RNF220: variants seen among roughly 807,000 people sequenced by gnomAD.
RNF220 encodes E3 ubiquitin-protein ligase RNF220.
RNF220 carries 7 observed loss-of-function variants against 67.1 expected under a neutral mutation model. That is an observed-to-expected ratio of 0.10 (90% CI 0.06 to 0.20). The LOEUF (loss-of-function observed/expected upper bound fraction) is 0.20. RNF220 is among the 10% of genes least tolerant of loss of function. The pLI is 1.00. For missense variants in RNF220, 565 were observed against 740.3 expected (o/e 0.76, Z 2.75); for synonymous variants, 270 against 283.2 (o/e 0.95, Z 0.47).
At chr1:44,407,138 C>T (rs1250696192) in intron 1 of RNF220, among the ~76,000 whole-genome samples, 1 of 152,140 alleles carries the variant, frequency 6.6e-6, no homozygotes, top group Middle Eastern at 3.2e-3. Flanking sequence ...CTGGCCGGCC[C>T]GGGTCGTCTG....
chr1:44,505,812 C>T (rs930537790), intron 2 of RNF220, among the ~76,000 whole-genome samples: 2 of 152,102 alleles, frequency 1.3e-5, no homozygotes, highest in South Asian at 2.1e-4. Flanking sequence ...ATGAACAATG[C>T]GACATGGCGC....
chr1:44,518,238 CAACAT>C (rs1370547451), intron 2 of RNF220, among the ~76,000 whole-genome samples: 1 of 151,798 alleles, frequency 6.6e-6, no homozygotes, highest in African/African-American at 2.4e-5. Context: ...ATAGCCTGGG[CAACAT>C]AACAAGACCC....
Position 44,636,067 on chromosome 1 carries a change from A to T in RNF220, c.1031A>T (p.Asp344Val), listed in dbSNP as rs762210878. 20 of 1,614,126 alleles carry T rather than the reference A, an allele frequency of 1.2e-5. No individual in the cohort carries two copies. The highest frequency in any genetic ancestry group is 1.7e-5 in the Non-Finnish European group (20 of 1,180,050). Residue 344 changes from aspartate (D) to valine (V), a missense_variant, in exon 8 of 15, where the codon GAC becomes GTC. Transcript: ENST00000361799. ...TGCATGGCTGAGGATGATGCTGTGG[A>T]CATCGAGCATGAGAACAACAACCGC... is the stretch of plus-strand genomic sequence containing the variant. The part of the protein sequence containing the change: ...GSCMAEDDAV[D>V]IEHENNNRFE...
chr1:44,461,920 C>CTTT (rs1445179984), intron 2 of RNF220, among the ~76,000 whole-genome samples: 44 of 118,180 alleles, frequency 3.7e-4, no homozygotes, highest in African/African-American at 1.4e-3. Context: ...TTTCTTTTTT[C>CTTT]TTTGTTTTTT....
chr1:44,458,291 T>A (rs1653403521), intron 2 of RNF220, among the ~76,000 whole-genome samples: 1 of 151,118 alleles, frequency 6.6e-6, no homozygotes, highest in African/African-American at 2.4e-5. Context: ...TTAAATATTC[T>A]TATGAAATAG....
chr1:44,543,097 A>ATCCCTCCC (rs1426206997), intron 2 of RNF220, among the ~76,000 whole-genome samples: 112 of 151,506 alleles, frequency 7.4e-4, no homozygotes, highest in African/African-American at 2.6e-3. Context: ...TATTTGGTTG[A>ATCCCTCCC]TCCCTCCCTC....
chr1:44,415,541 A>G (rs1648444170), intron 2 of RNF220, among the ~76,000 whole-genome samples: 1 of 152,216 alleles, frequency 6.6e-6, no homozygotes, highest in Admixed American at 6.5e-5. Flanking sequence ...ATATGTATAT[A>G]TATTTATTCT....
intron 2 of RNF220, among the ~76,000 whole-genome samples, chr1:44,529,927 G>A (rs534657526): frequency 3.3e-4 from 50 of 152,024 alleles, no homozygotes; most frequent in Admixed American, 1.9e-3. Flanking sequence ...GGTGGTGGGC[G>A]CCTCTACTCC....
chr1:44,416,658 G>T (rs1021028395), intron 2 of RNF220, among the ~76,000 whole-genome samples: 1 of 152,350 alleles, frequency 6.6e-6, no homozygotes, highest in South Asian at 2.1e-4. Context: ...GTGGAGCGGC[G>T]ACTGGCCCTG....
chr1:44,608,989 G>A (rs1376460398), intron 2 of RNF220, among the ~76,000 whole-genome samples: 2 of 152,190 alleles, frequency 1.3e-5, no homozygotes, highest in Non-Finnish European at 2.9e-5. Context: ...GAAGTCTTGG[G>A]AGTTAGATAT....
intron 1 of RNF220, among the ~76,000 whole-genome samples, chr1:44,407,358 G>A (rs1429661526): frequency 6.6e-6 from 1 of 152,230 alleles, no homozygotes; most frequent in African/African-American, 2.4e-5. Flanking sequence ...GGGCAGGGGG[G>A]CTTTGCCTTG....
chr1:44,628,667 C>G (rs1006548282), intron 5 of RNF220, among the ~76,000 whole-genome samples: 5 of 152,344 alleles, frequency 3.3e-5, no homozygotes, highest in African/African-American at 1.2e-4. Context: ...TCCATGAATC[C>G]TATGGGCTAT....
intron 2 of RNF220, among the ~76,000 whole-genome samples, chr1:44,450,446 C>A (rs1005167584): frequency 1.3e-5 from 2 of 152,094 alleles, no homozygotes; most frequent in African/African-American, 4.8e-5. Flanking sequence ...CTTCCACAAA[C>A]GTAAATAACT....
intron 2 of RNF220, among the ~76,000 whole-genome samples, chr1:44,598,058 C>T (rs990219332): frequency 1.3e-4 from 20 of 152,026 alleles, no homozygotes; most frequent in African/African-American, 4.6e-4. Context: ...CCCTGCCCGC[C>T]CCCTCCAAGA....
chr1:44,631,571 A>T (rs1271834618), intron 5 of RNF220, among the ~76,000 whole-genome samples: 2 of 152,212 alleles, frequency 1.3e-5, no homozygotes, highest in Admixed American at 1.3e-4. Flanking sequence ...ACATGTTGGG[A>T]GTCCTCTGAT....
At chr1:44,459,477 G>A (rs1423065183) in intron 2 of RNF220, among the ~76,000 whole-genome samples, 1 of 143,574 alleles carries the variant, frequency 7.0e-6, no homozygotes, top group Non-Finnish European at 1.5e-5. Context: ...CTGGTATACT[G>A]CATTTGAGAT....
At chr1:44,463,471 G>A (rs1653981079) in intron 2 of RNF220, among the ~76,000 whole-genome samples, 1 of 151,488 alleles carries the variant, frequency 6.6e-6, no homozygotes, top group Admixed American at 6.6e-5. Context: ...TGTAATTGTT[G>A]TGAAATGATT....
rs1384867363 is a variant in RNF220, at chr1:44,606,865, A to G, written c.626-7300A>G. Among the ~76,000 whole-genome samples the G allele has an allele frequency of 6.6e-6, 1 of 152,232 alleles. No individual in the cohort carries two copies. Among genetic ancestry groups the G allele is most frequent in the Non-Finnish European group, 1.5e-5 (1 of 68,044 alleles). On this transcript the variant is annotated intron_variant, in intron 2 of 14. Transcript: ENST00000361799. This position sits in a 1 kb window ranked among gnomAD's most constrained non-coding sequence, Gnocchi z 4.2. ...CTCTATGTCAATGTCTCCCGGGTCT[A>G]GAACTCTAGCTCTGGCTCACATAGA...
intron 2 of RNF220, among the ~76,000 whole-genome samples, chr1:44,555,273 G>C (rs572876652): frequency 2.2e-4 from 33 of 152,150 alleles, no homozygotes; most frequent in African/African-American, 7.7e-4. Context: ...TCACTTTGTT[G>C]TTCAGGAATG....
Sources: gnomAD v4.1 joint callset for allele counts (sites outside exome capture counted in the v4.1 genomes callset) on GRCh38, gnomAD v4.1.1 for gene constraint, Gnocchi (gnomAD v3.1) non-coding constraint, MANE v1.5 for transcripts, NCBI Gene and HGNC (gene_info 2026-07-23, HGNC 2026-07-21) for gene names.